Variants in KLHL3 observed in about 807,000 individuals in gnomAD.
KLHL3 encodes the protein kelch-like protein 3.
KLHL3 carries 19 observed loss-of-function variants against 70.5 expected under a neutral mutation model. The observed-to-expected ratio is 0.27, with a 90% CI of 0.19 to 0.40. The LOEUF (loss-of-function observed/expected upper bound fraction) is 0.40. Among genes scored for constraint, KLHL3 ranks in the 10% least tolerant of loss-of-function variants. The probability of loss-of-function intolerance (pLI) is 1.00; values close to 1 mark genes in which losing one functional copy is unlikely to be tolerated. For synonymous variants in KLHL3, 258 were observed against 290.3 expected, an observed-to-expected ratio of 0.89 and a Z score of 1.13; for missense variants, 512 against 771.1, an observed-to-expected ratio of 0.66 and a Z score of 3.98.
intron 6 of KLHL3, among the ~76,000 whole-genome samples, chr5:137,670,544 C>T: frequency 6.6e-6 from 1 of 151,650 alleles, no homozygotes; most frequent in Non-Finnish European, 1.5e-5. Context: ...CTCAAATATC[C>T]CTTAAAGGTT....
At chr5:137,647,806 G>C (rs186333528) in intron 8 of KLHL3, among the ~76,000 whole-genome samples, 1 of 152,206 alleles carries the variant, frequency 6.6e-6, no homozygotes, top group Non-Finnish European at 1.5e-5. Flanking sequence ...GGCCCGGGGG[G>C]AGAGAAGAGG....
intron 8 of KLHL3, among the ~76,000 whole-genome samples, chr5:137,640,669 A>C (rs1224152480): frequency 6.6e-6 from 1 of 152,176 alleles, no homozygotes; most frequent in African/African-American, 2.4e-5. Flanking sequence ...GCCCAAGGTC[A>C]CACAGCTAAG....
intron 8 of KLHL3, among the ~76,000 whole-genome samples, chr5:137,642,687 C>T (rs1246586215): frequency 6.6e-6 from 1 of 152,112 alleles, no homozygotes; most frequent in Non-Finnish European, 1.5e-5. Flanking sequence ...AGAAACTAAA[C>T]TAGAACGTCA....
At chr5:137,637,472 G>A (rs1030398350) in intron 10 of KLHL3, 77 bp from the exon 11 acceptor site, 14 of 1,303,054 alleles carry the variant, frequency 1.1e-5, no homozygotes, top group Middle Eastern at 1.8e-4. Flanking sequence ...GAGGATGGGG[G>A]AGGAGTCCAA....
intron 14 of KLHL3, 135 bp downstream of exon 14, chr5:137,625,618 C>G: frequency 1.2e-6 from 1 of 856,266 alleles, no homozygotes; most frequent in Non-Finnish European, 1.8e-6. Context: ...TAACAATTAC[C>G]TGTCATCCCT....
intron 2 of KLHL3, among the ~76,000 whole-genome samples, chr5:137,717,959 A>T (rs1241392811): frequency 2.0e-5 from 3 of 152,358 alleles, no homozygotes; most frequent in Admixed American, 1.3e-4. Context: ...TTCACAAAAC[A>T]CTTGGTCTAT....
intron 5 of KLHL3, among the ~76,000 whole-genome samples, chr5:137,680,937 G>T (rs895912160): frequency 6.6e-6 from 1 of 152,026 alleles, no homozygotes; most frequent in Non-Finnish European, 1.5e-5. Context: ...AGTTTAGAAG[G>T]CTGCGCAGGA....
intron 4 of KLHL3, among the ~76,000 whole-genome samples, chr5:137,697,724 T>G (rs1752478777): frequency 6.6e-6 from 1 of 152,178 alleles, no homozygotes. Flanking sequence ...GCAATAAGGA[T>G]CCAGAGTAGA....
intron 2 of KLHL3, among the ~76,000 whole-genome samples, chr5:137,713,298 C>CA: frequency 6.6e-6 from 1 of 151,958 alleles, no homozygotes; most frequent in Non-Finnish European, 1.5e-5. Flanking sequence ...AACCCTATCT[C>CA]AAAAAATATG....
At position 137,639,906 on chromosome 5, in the gene KLHL3, G is replaced by C; in HGVS notation, c.975C>G (p.Asp325Glu). ...GAAGCTCAGCAATCTGATCCCACCG[G>C]TCCTCCTCGAAATCATAGCACTCCA... ...RSVECYDFEE[D>E]RWDQIAELPS... The change falls in exon 9 of 15, where the codon GAC becomes GAG. Residue 325 changes from aspartate (D) to glutamate (E), a missense_variant. Physicochemically the swap from Asp to Glu is conservative, Grantham distance 45 (BLOSUM62 2). Transcript: ENST00000309755. This position sits in a 1 kb window ranked among gnomAD's most constrained non-coding sequence, Gnocchi z 5.0. The C allele has an allele frequency of 6.2e-7, 1 of 1,614,134 alleles. No homozygotes were observed. Among genetic ancestry groups the C allele is most frequent in the Non-Finnish European group, 8.5e-7 (1 of 1,180,036 alleles).
chr5:137,621,949 C>T lies in KLHL3; in HGVS notation c.*149G>A, dbSNP rs886059957. ...GTAATGGTGTCCACACTGCGATGAA[C>T]AACACCAGTCTGCCAAGTCAGAGGA... On this transcript the variant is annotated 3_prime_UTR_variant, in exon 15 of 15. Coordinates refer to ENST00000309755, the MANE Select transcript of KLHL3 (RefSeq NM_017415.3). The T allele has an allele frequency of 8.4e-6, 7 of 829,386 alleles. No individual in the cohort carries two copies. Among genetic ancestry groups the T allele is most frequent in the South Asian group, 1.5e-5 (1 of 67,358 alleles). The allele number at this position is 829,386 out of a possible 1,614,324, so 51.4% of individuals were successfully genotyped here.
At chr5:137,735,582 C>G in intron 1 of KLHL3, 51 bp downstream of exon 1, 1 of 1,422,456 alleles carries the variant, frequency 7.0e-7, no homozygotes, top group Non-Finnish European at 1.0e-6. Context: ...ACCGCAAGCA[C>G]ACATACACTT....
chr5:137,687,640 C>T (rs1194306860), intron 5 of KLHL3, among the ~76,000 whole-genome samples: 2 of 28,986 alleles, frequency 6.9e-5, no homozygotes, highest in African/African-American at 1.8e-4. Context: ...CCCCTCTGCC[C>T]GGCCACGACC....
intron 1 of KLHL3, among the ~76,000 whole-genome samples, chr5:137,730,533 T>C (rs1753156724): frequency 6.6e-6 from 1 of 152,206 alleles, no homozygotes; most frequent in Admixed American, 6.5e-5. Context: ...TCTTGTAACA[T>C]GCTCCTTCAT....
chr5:137,650,392 T>C (rs1751170586), intron 8 of KLHL3, among the ~76,000 whole-genome samples: 1 of 152,224 alleles, frequency 6.6e-6, no homozygotes, highest in Non-Finnish European at 1.5e-5. Flanking sequence ...TTCACAACTG[T>C]TTCCCCTCCT....
chr5:137,680,839 C>T (rs372864646), intron 5 of KLHL3, among the ~76,000 whole-genome samples: 54 of 152,016 alleles, frequency 3.6e-4, no homozygotes, highest in Admixed American at 2.3e-3. Context: ...CCACTGCGGC[C>T]GGCAGCACCA....
intron 5 of KLHL3, among the ~76,000 whole-genome samples, chr5:137,680,329 C>A (rs1290027672): frequency 1.3e-5 from 2 of 152,120 alleles, no homozygotes; most frequent in African/African-American, 4.8e-5. Context: ...TCACTTCTTC[C>A]CAGGCTTCGC....
At chr5:137,718,503 A>G (rs991176500) in intron 2 of KLHL3, among the ~76,000 whole-genome samples, 4 of 152,222 alleles carry the variant, frequency 2.6e-5, no homozygotes, top group African/African-American at 9.6e-5. Flanking sequence ...GTCTCTTTAA[A>G]AAAATAAACA....
chr5:137,683,801 C>CGA (rs1491283003), intron 5 of KLHL3, among the ~76,000 whole-genome samples: 1 of 151,692 alleles, frequency 6.6e-6, no homozygotes, highest in African/African-American at 2.4e-5. Context: ...CACACATGCA[C>CGA]GCGCACACAC....
Sources: gnomAD v4.1 joint callset for allele counts (sites outside exome capture counted in the v4.1 genomes callset) on GRCh38, gnomAD v4.1.1 for gene constraint, Gnocchi (gnomAD v3.1) non-coding constraint, MANE v1.5 for transcripts, NCBI Gene and HGNC (gene_info 2026-07-23, HGNC 2026-07-21) for gene names.